Variants in GVQW3 observed in about 807,000 individuals in gnomAD.
GVQW3 encodes the protein protein GVQW3.
GVQW3 carries 7 observed loss-of-function variants against 12.5 expected under a neutral mutation model. That is an observed-to-expected ratio of 0.56 (90% CI 0.32 to 1.05). The LOEUF is 1.05. GVQW3 is among the 50% of genes least tolerant of loss of function. The pLI is 0.04. For synonymous variants in GVQW3, 71 were observed against 67.2 expected, an observed-to-expected ratio of 1.06 and a Z score of -0.28; for missense variants, 188 against 190.8, an observed-to-expected ratio of 0.99 and a Z score of 0.09.
At chr11:76,398,669 C>T (rs1946961540) in intron 1 of GVQW3, among the ~76,000 whole-genome samples, 1 of 152,050 alleles carries the variant, frequency 6.6e-6, no homozygotes. Context: ...CTATGTTGGC[C>T]AGGTTGGTCT....
chr11:76,382,731 G>T (rs763569618), intron 1 of GVQW3: 2 of 353,832 alleles, frequency 5.7e-6, no homozygotes, highest in African/African-American at 4.2e-5. Context: ...TTAGCTTGTT[G>T]TGGCTGTCCT....
chr11:76,405,964 G>A lies in GVQW3; in HGVS notation c.*2206G>A, dbSNP rs1947035558. 6.6e-6 allele frequency: 1 copy of A among 151,998 alleles called. No individual in the cohort carries two copies. Among genetic ancestry groups the A allele is most frequent in the African/African-American group, 2.4e-5 (1 of 41,342 alleles). 9.4% of individuals were successfully genotyped at this position (151,998 alleles called of 1,614,324 possible). On this transcript the variant is annotated 3_prime_UTR_variant, in exon 2 of 2. Coordinates refer to ENST00000529331, the MANE Select transcript of GVQW3 (RefSeq NM_001347885.2). ...GGCATTAGCCACCATGCCTGGCCTG[G>A]AGATCAGTTCTTTTTTACTTTTTTT...
chr11:76,396,542 T>C (rs1946941138), intron 1 of GVQW3, among the ~76,000 whole-genome samples: 1 of 152,122 alleles, frequency 6.6e-6, no homozygotes, highest in Non-Finnish European at 1.5e-5. Flanking sequence ...CTCGAACTCC[T>C]GGGGCCAAGC....
intron 1 of GVQW3, among the ~76,000 whole-genome samples, chr11:76,402,278 C>T (rs1946996879): frequency 6.6e-6 from 1 of 152,094 alleles, no homozygotes. Context: ...TTAGGCTGGG[C>T]ATGGTGGCTA....
Position 76,382,069 on chromosome 11 carries a change from T to A in GVQW3, c.241T>A (p.Leu81Met). ...TDDNIQKVKDLVCSNRQLTVR... is the reference protein window; with the variant it reads ...TDDNIQKVKDMVCSNRQLTVR... ...TGACAATATCCAGAAGGTCAAGGAC[T>A]TGGTTTGTTCAAACAGGCAGTTAAC... The change falls in exon 1 of 2, where the codon TTG (leucine) becomes ATG (methionine). Residue 81 changes from leucine to methionine, a missense_variant. Leu to Met is a conservative substitution (Grantham distance 15). Coordinates refer to ENST00000529331, the MANE Select transcript of GVQW3 (RefSeq NM_001347885.2). 1 of 1,536,604 alleles carries A rather than the reference T, an allele frequency of 6.5e-7. No homozygotes were observed. The highest frequency in any genetic ancestry group is 8.7e-7 in the Non-Finnish European group (1 of 1,147,000).
intron 1 of GVQW3, among the ~76,000 whole-genome samples, chr11:76,396,708 T>C (rs1946942801): frequency 6.6e-6 from 1 of 152,208 alleles, no homozygotes. Flanking sequence ...TACTGAAATA[T>C]AATTCATATC....
At chr11:76,400,067 G>A (rs1170772217) in intron 1 of GVQW3, among the ~76,000 whole-genome samples, 1 of 146,604 alleles carries the variant, frequency 6.8e-6, no homozygotes, top group African/African-American at 2.5e-5. Flanking sequence ...TGTTGGTTCT[G>A]TTTCCTGTTT....
Position 76,403,854 on chromosome 11 carries a change from G to GAGA in GVQW3, c.*100_*102dup, listed in dbSNP as rs1462247633. 1 of 697,866 alleles carries GAGA rather than the reference G, an allele frequency of 1.4e-6. No homozygotes were observed. The highest frequency in any genetic ancestry group is 2.0e-5 in the Admixed American group (1 of 49,662). The allele number at this position is 697,866 out of a possible 1,614,324, so 43.2% of individuals were successfully genotyped here. On this transcript the variant is annotated 3_prime_UTR_variant, in exon 2 of 2. Coordinates refer to ENST00000529331, the MANE Select transcript of GVQW3 (RefSeq NM_001347885.2). ...GAGGAGTGCTGATGTACAAGGGCAGGAGAAGATGGATGTCACAGCTCAAGA... is the reference window on the plus strand; with the variant it reads ...GAGGAGTGCTGATGTACAAGGGCAGGAGAAGAAGATGGATGTCACAGCTCAAGA...
chr11:76,392,332 C>T (rs941853672), intron 1 of GVQW3: 3 of 152,232 alleles, frequency 2.0e-5, no homozygotes, highest in Admixed American at 6.5e-5. Context: ...TGTAATATTA[C>T]CTCTCAGAAG....
At chr11:76,411,025 C>T (rs1477000053), downstream of GVQW3, 2 of 152,226 alleles carry the variant, frequency 1.3e-5, no homozygotes, top group African/African-American at 4.8e-5. Flanking sequence ...TTAATCAAAA[C>T]CAATTTGGAA....
At chr11:76,390,438 T>C (rs2134545309) in intron 1 of GVQW3, among the ~76,000 whole-genome samples, 4 of 152,356 alleles carry the variant, frequency 2.6e-5, no homozygotes, top group Admixed American at 2.6e-4. Context: ...ATTTATTGAG[T>C]GCTTATCTGT....
downstream of GVQW3, chr11:76,412,063 C>T (rs1947083303): frequency 6.6e-6 from 1 of 152,180 alleles, no homozygotes; most frequent in Non-Finnish European, 1.5e-5. Context: ...TCCCAGAGAG[C>T]CCATGCATAG....
intron 1 of GVQW3, among the ~76,000 whole-genome samples, chr11:76,402,977 T>G (rs12420744): frequency 0.15 from 23,175 of 152,044 alleles, 2,378 homozygotes; most frequent in East Asian, 0.29. Flanking sequence ...AGACAGAGTC[T>G]TACTCTGTCG....
intron 1 of GVQW3, among the ~76,000 whole-genome samples, chr11:76,401,281 C>T (rs919981062): frequency 6.6e-6 from 1 of 151,878 alleles, no homozygotes; most frequent in Non-Finnish European, 1.5e-5. Context: ...TGTTTGTTGA[C>T]TCTCTATTTT....
rs1356273458 is a variant in GVQW3, at chr11:76,382,299, A to G, written c.465+6A>G. On this transcript the variant is annotated splice_donor_region_variant and intron_variant, in intron 1 of 1. Coordinates refer to ENST00000529331, the MANE Select transcript of GVQW3 (RefSeq NM_001347885.2). ...GCTCATGTTTGAGGAAAAAGGTAACAGGTTCTGAAACATGGAGTTATCTCC... is the reference window on the plus strand; with the variant it reads ...GCTCATGTTTGAGGAAAAAGGTAACGGGTTCTGAAACATGGAGTTATCTCC... The G allele has an allele frequency of 2.0e-6, 3 of 1,487,440 alleles. No individual in the cohort carries two copies. The African/African-American group carries it at 4.2e-5, about 21-fold the overall frequency. 92.1% of individuals were successfully genotyped at this position (1,487,440 alleles called of 1,614,324 possible).
chr11:76,409,842 A>T (rs915290952), downstream of GVQW3, among the ~76,000 whole-genome samples: 3 of 152,152 alleles, frequency 2.0e-5, no homozygotes, highest in African/African-American at 7.2e-5. Context: ...AGTGATGCTT[A>T]TTTGGAATTG....
intron 1 of GVQW3, among the ~76,000 whole-genome samples, chr11:76,399,561 A>G (rs776360724): frequency 6.6e-6 from 1 of 152,190 alleles, no homozygotes; most frequent in East Asian, 1.9e-4. Flanking sequence ...TGGTCACACA[A>G]TTATTCTGGG....
intron 1 of GVQW3, among the ~76,000 whole-genome samples, chr11:76,394,104 G>A (rs1946918464): frequency 6.6e-6 from 1 of 152,120 alleles, no homozygotes; most frequent in South Asian, 2.1e-4. Flanking sequence ...TCACCATGTT[G>A]ACCAGGCTGG....
At chr11:76,383,780 A>C (rs34119206) in intron 1 of GVQW3, 38,641 of 107,904 alleles carry the variant, frequency 0.36, 5,510 homozygotes, top group African/African-American at 0.52. Flanking sequence ...TCTGTCCCAA[A>C]AAAAAAAAAA....
Sources: allele counts gnomAD v4.1 joint callset (sites outside exome capture counted in the v4.1 genomes callset), GRCh38; gene constraint gnomAD v4.1.1; transcripts MANE v1.5; gene names NCBI Gene and HGNC (gene_info 2026-07-23, HGNC 2026-07-21).